ABHD18: variants seen among roughly 807,000 people sequenced by gnomAD.
ABHD18 encodes abhydrolase domain containing 18.
In ABHD18, 55 loss-of-function variants were observed where a neutral mutation model predicts 65.9. That is an observed-to-expected ratio of 0.84 (90% CI 0.67 to 1.05). The LOEUF is 1.05. ABHD18 is among the 50% of genes least tolerant of loss of function. ABHD18 has a pLI of 0.00. For synonymous variants in ABHD18, 181 were observed against 180.2 expected (o/e 1.00, Z -0.04); for missense variants, 533 against 558.5 (o/e 0.95, Z 0.46).
At chr4:128,003,790 G>A (rs1200631740) in intron 4 of ABHD18, among the ~76,000 whole-genome samples, 1 of 151,534 alleles carries the variant, frequency 6.6e-6, no homozygotes, top group African/African-American at 2.4e-5. Context: ...ACTGAAAATA[G>A]CAAAAATAGC....
intron 1 of ABHD18, among the ~76,000 whole-genome samples, chr4:127,972,529 T>A (rs1380106961): frequency 2.4e-4 from 34 of 143,744 alleles, no homozygotes; most frequent in Non-Finnish European, 5.0e-4. Context: ...TCTTTTTTTT[T>A]TTTTTTTTTT....
chr4:127,977,092 C>A (rs939077231), intron 1 of ABHD18, among the ~76,000 whole-genome samples: 8 of 151,900 alleles, frequency 5.3e-5, no homozygotes, highest in Admixed American at 5.2e-4. Flanking sequence ...TTTTTGTGTA[C>A]CTTAAAATCA....
intron 10 of ABHD18, among the ~76,000 whole-genome samples, chr4:128,027,849 A>AT (rs749095905): frequency 6.6e-6 from 1 of 152,176 alleles, no homozygotes; most frequent in Non-Finnish European, 1.5e-5. Flanking sequence ...AACTTTGGCT[A>AT]TAAAAAAAAA....
chr4:128,008,388 C>T (rs923227932), intron 4 of ABHD18, among the ~76,000 whole-genome samples: 12 of 148,544 alleles, frequency 8.1e-5, no homozygotes, highest in Non-Finnish European at 1.6e-4. Flanking sequence ...TCTCCTGCCT[C>T]AGCCTCCTGA....
chr4:127,990,794 A>G (rs1750784224), intron 4 of ABHD18, among the ~76,000 whole-genome samples: 2 of 152,170 alleles, frequency 1.3e-5, no homozygotes, highest in South Asian at 4.1e-4. Flanking sequence ...GTGGTTAATT[A>G]TACAATAGTT....
intron 7 of ABHD18, among the ~76,000 whole-genome samples, chr4:128,013,441 C>T (rs1754922448): frequency 6.6e-6 from 1 of 152,016 alleles, no homozygotes; most frequent in African/African-American, 2.4e-5. Flanking sequence ...TGGCTCACGC[C>T]TGTAATCCCA....
At chr4:127,979,424 G>A (rs561722685) in intron 1 of ABHD18, among the ~76,000 whole-genome samples, 9 of 152,126 alleles carry the variant, frequency 5.9e-5, no homozygotes, top group Middle Eastern at 3.4e-3. Context: ...GCGTGGTGGC[G>A]GGCACCTGTA....
intron 1 of ABHD18, among the ~76,000 whole-genome samples, chr4:127,975,880 CAGTGGT>C (rs1747818466): frequency 1.3e-5 from 2 of 152,168 alleles, no homozygotes; most frequent in East Asian, 3.9e-4. Flanking sequence ...GGCTAGAGTG[CAGTGGT>C]ACAGTCTCGG....
intron 6 of ABHD18, among the ~76,000 whole-genome samples, chr4:128,010,525 C>CA (rs879334783): frequency 0.037 from 4,466 of 120,818 alleles, 194 homozygotes; most frequent in African/African-American, 0.12. Context: ...GAAACTGTGT[C>CA]AAAAAAAAAA....
intron 5 of ABHD18, 49 bp downstream of exon 5, chr4:128,009,047 T>G (rs188809510): frequency 6.3e-7 from 1 of 1,583,962 alleles, no homozygotes; most frequent in Admixed American, 1.8e-5. Context: ...TGTTAACATA[T>G]TCTCCTTAAC....
At chr4:128,009,342 G>A (rs1754156234) in intron 6 of ABHD18, 151 bp downstream of exon 6, 1 of 453,408 alleles carries the variant, frequency 2.2e-6, no homozygotes, top group Non-Finnish European at 3.8e-6. Context: ...ATCAAAAGGA[G>A]TGAAAGACTA....
chr4:128,021,498 A>T (rs2149168877), intron 10 of ABHD18, among the ~76,000 whole-genome samples: 1 of 152,198 alleles, frequency 6.6e-6, no homozygotes, highest in Middle Eastern at 3.4e-3. Flanking sequence ...TACTAAAAAT[A>T]CAAAAATTAG....
chr4:128,000,206 G>C (rs754087043), intron 4 of ABHD18, among the ~76,000 whole-genome samples: 43 of 152,092 alleles, frequency 2.8e-4, no homozygotes, highest in Non-Finnish European at 5.6e-4. Flanking sequence ...TATCACCAAG[G>C]CTGAACCCAG....
At chr4:127,971,254 CAAA>C (rs1295767524) in intron 1 of ABHD18, among the ~76,000 whole-genome samples, 13 of 74,516 alleles carry the variant, frequency 1.7e-4, no homozygotes, top group Middle Eastern at 8.1e-3. Flanking sequence ...GACCCTGTCT[CAAA>C]AAAAAAAAAA....
At chr4:128,024,717 G>A (rs1269583350) in intron 10 of ABHD18, among the ~76,000 whole-genome samples, 4 of 150,806 alleles carry the variant, frequency 2.7e-5, no homozygotes, top group Non-Finnish European at 4.4e-5. Context: ...TTTTGAGATG[G>A]AGTTTCACTC....
chr4:128,018,328 TG>T (rs1755860125), intron 8 of ABHD18, among the ~76,000 whole-genome samples: 2 of 152,190 alleles, frequency 1.3e-5, no homozygotes, highest in Non-Finnish European at 2.9e-5. Flanking sequence ...ATTAGTATTT[TG>T]TTTGTGTGTG....
intron 4 of ABHD18, among the ~76,000 whole-genome samples, chr4:128,002,990 C>G (rs1326687366): frequency 6.6e-6 from 1 of 152,122 alleles, no homozygotes; most frequent in African/African-American, 2.4e-5. Flanking sequence ...TAATTTATCT[C>G]TCTGAATTTT....
intron 12 of ABHD18, among the ~76,000 whole-genome samples, chr4:128,034,438 T>C (rs1365130579): frequency 6.6e-6 from 1 of 151,980 alleles, no homozygotes; most frequent in Non-Finnish European, 1.5e-5. Flanking sequence ...TGGGGCAGGG[T>C]GTCGCAGGAC....
intron 1 of ABHD18, among the ~76,000 whole-genome samples, chr4:127,972,841 G>A (rs1468195741): frequency 1.3e-5 from 2 of 152,024 alleles, no homozygotes; most frequent in African/African-American, 4.8e-5. Context: ...ACGCATTTCA[G>A]AAGTTAGTTT....
Sources: allele counts gnomAD v4.1 joint callset (sites outside exome capture counted in the v4.1 genomes callset), GRCh38; gene constraint gnomAD v4.1.1; transcripts MANE v1.5; gene names NCBI Gene and HGNC (gene_info 2026-07-23, HGNC 2026-07-21).